Variants in KCNC2 observed in about 807,000 individuals in gnomAD.
KCNC2 encodes the protein potassium voltage-gated channel subfamily C member 2.
In KCNC2, 21 loss-of-function variants were observed where a neutral mutation model predicts 44.5. The observed-to-expected ratio is 0.47, with a 90% CI of 0.33 to 0.68. KCNC2 has a LOEUF of 0.68. Among genes scored for constraint, KCNC2 ranks in the 30% least tolerant of loss-of-function variants. The pLI, the probability that KCNC2 is intolerant of heterozygous loss-of-function variation, is 0.01. For missense variants in KCNC2, 589 were observed against 826.2 expected, an observed-to-expected ratio of 0.71 and a Z score of 3.52; for synonymous variants, 391 against 339.1, an observed-to-expected ratio of 1.15 and a Z score of -1.68.
At position 75,048,693 on chromosome 12, in the gene KCNC2, A is replaced by C. The variant is rs557488440; in HGVS notation, c.1616-376T>G. ...ATAGGAATATTTAAAAATGGAACCT[A>C]TTTAAGAAAATATCTTAAGTAAACT... On this transcript the variant is annotated intron_variant, in intron 3 of 4. Coordinates refer to ENST00000549446, the MANE Select transcript of KCNC2 (RefSeq NM_139137.4). Among the ~76,000 whole-genome samples, 5 of 152,230 alleles carry C rather than the reference A, an allele frequency of 3.3e-5. No homozygotes were observed. The East Asian group carries it at 7.7e-4, about 24-fold the overall frequency.
Position 75,207,750 on chromosome 12 carries a change from G to C in KCNC2, c.234C>G (p.Phe78Leu), listed in dbSNP as rs2031816254. ...PPLSPGPGGC[F>L]EGGAGNCSSR... Reference sequence around the variant, plus strand: ...AACTGCAGTTGCCCGCGCCGCCCTCGAAGCAGCCGCCTGGCCCGGGGGACA... The same window carrying C: ...AACTGCAGTTGCCCGCGCCGCCCTCCAAGCAGCCGCCTGGCCCGGGGGACA... Residue 78 changes from phenylalanine to leucine, a missense_variant, in exon 2 of 5, where the codon TTC (phenylalanine) becomes TTG (leucine). By Grantham distance (22) the Phe-to-Leu change is conservative. Coordinates refer to ENST00000549446, the MANE Select transcript of KCNC2 (RefSeq NM_139137.4). The surrounding 1 kb of genome is among the most constrained non-coding windows in gnomAD (Gnocchi z 4.1). 6.4e-7 allele frequency: 1 copy of C among 1,567,910 alleles called. No individual in the cohort carries two copies. Among genetic ancestry groups the C allele is most frequent in the Non-Finnish European group, 8.6e-7 (1 of 1,156,982 alleles).
chr12:75,120,866 C>T (rs1887999882), intron 2 of KCNC2, among the ~76,000 whole-genome samples: 1 of 152,084 alleles, frequency 6.6e-6, no homozygotes, highest in East Asian at 1.9e-4. Context: ...AATACTTTTT[C>T]CTTAAGTGAG....
chr12:75,194,086 C>A (rs964214526), intron 2 of KCNC2, among the ~76,000 whole-genome samples: 22 of 151,998 alleles, frequency 1.4e-4, no homozygotes, highest in African/African-American at 5.3e-4. Flanking sequence ...CTGAATATTG[C>A]AAATGTGTTG....
intron 2 of KCNC2, among the ~76,000 whole-genome samples, chr12:75,112,666 T>A (rs977382738): frequency 1.1e-4 from 16 of 152,056 alleles, no homozygotes; most frequent in Admixed American, 9.8e-4. Flanking sequence ...GCCTGAACTG[T>A]ATTAGTAAGA....
chr12:75,169,983 T>C (rs1415201526), intron 2 of KCNC2, among the ~76,000 whole-genome samples: 27 of 151,676 alleles, frequency 1.8e-4, no homozygotes, highest in Non-Finnish European at 1.5e-5. Flanking sequence ...GCAATAAAAT[T>C]TGAAAATGGG....
chr12:75,156,093 A>G (rs1254497956), intron 2 of KCNC2, among the ~76,000 whole-genome samples: 1 of 151,788 alleles, frequency 6.6e-6, no homozygotes, highest in Non-Finnish European at 1.5e-5. Context: ...AGAGCTTTTA[A>G]GAGTAGAGAT....
chr12:75,118,012 T>G lies in KCNC2; in HGVS notation c.688-66695A>C, dbSNP rs117985823. On this transcript the variant is annotated intron_variant, in intron 2 of 4. Transcript: ENST00000549446. ...GTCTATGTATGTCCCTACCCCATCA[T>G]GCTGGACTGTCTCAAAACAAGACTC... Among the ~76,000 whole-genome samples the G allele has an allele frequency of 5.5e-3, 834 of 152,336 alleles. 2 individuals are homozygous for G. Among genetic ancestry groups the G allele is most frequent in the Non-Finnish European group, 8.0e-3 (546 of 68,028 alleles).
intron 2 of KCNC2, among the ~76,000 whole-genome samples, chr12:75,074,263 T>G (rs1337735383): frequency 7.2e-6 from 1 of 139,238 alleles, no homozygotes; most frequent in African/African-American, 2.6e-5. Context: ...TTTGGCCATT[T>G]GGGTAAAGTT....
Position 75,042,304 on chromosome 12 carries a change from C to T in KCNC2, c.*801G>A. ...CCTTTCTCTCATGTTTTGTGCCTTC[C>T]CCAAGTCATTAAGTAAGAGATCTGG... On this transcript the variant is annotated 3_prime_UTR_variant, in exon 5 of 5. Coordinates refer to ENST00000549446, the MANE Select transcript of KCNC2 (RefSeq NM_139137.4). 6.2e-7 allele frequency: 1 copy of T among 1,610,908 alleles called. No individual in the cohort carries two copies. The highest frequency in any genetic ancestry group is 2.2e-5 in the East Asian group (1 of 44,738).
intron 2 of KCNC2, among the ~76,000 whole-genome samples, chr12:75,088,008 G>A (rs572820633): frequency 1.0e-4 from 15 of 148,358 alleles, no homozygotes; most frequent in African/African-American, 2.8e-4. Context: ...AAAAAAAAAT[G>A]CCTAATAATT....
At chr12:75,113,330 C>A (rs950804910) in intron 2 of KCNC2, among the ~76,000 whole-genome samples, 1 of 152,142 alleles carries the variant, frequency 6.6e-6, no homozygotes, top group Non-Finnish European at 1.5e-5. Context: ...GACCTCAATA[C>A]TATCTCTTGA....
At chr12:75,147,161 A>C (rs933221022) in intron 2 of KCNC2, among the ~76,000 whole-genome samples, 14 of 152,138 alleles carry the variant, frequency 9.2e-5, no homozygotes, top group African/African-American at 3.4e-4. Context: ...TAAAATAAAT[A>C]ATTACATTTT....
At chr12:75,143,914 T>G (rs916192082) in intron 2 of KCNC2, among the ~76,000 whole-genome samples, 3 of 152,214 alleles carry the variant, frequency 2.0e-5, no homozygotes, top group Non-Finnish European at 2.9e-5. Flanking sequence ...AGCAATATTT[T>G]TTCTAATATG....
intron 2 of KCNC2, among the ~76,000 whole-genome samples, chr12:75,119,594 A>C (rs886428677): frequency 6.6e-6 from 1 of 152,212 alleles, no homozygotes; most frequent in Admixed American, 6.5e-5. Context: ...AGGTCATGTT[A>C]CTTCTATCAT....
chr12:75,109,407 G>T (rs1887045463), intron 2 of KCNC2, among the ~76,000 whole-genome samples: 1 of 152,128 alleles, frequency 6.6e-6, no homozygotes. Context: ...AGACCGTGTG[G>T]CACCCAAAGA....
In KCNC2 at chr12:75,042,087, A is replaced by G. The variant is rs905142246; in HGVS notation, c.*1018T>C. ...AAAGCCTTCTGTGAACACCAGTGAC[A>G]TTTGATGTTTGCACAAAAAATTAAT... On this transcript the variant is annotated 3_prime_UTR_variant, in exon 5 of 5. Coordinates refer to ENST00000549446, the MANE Select transcript of KCNC2 (RefSeq NM_139137.4). 3.3e-6 allele frequency: 4 copies of G among 1,228,964 alleles called. No homozygotes were observed. Among genetic ancestry groups the G allele is most frequent in the Middle Eastern group, 3.2e-4 (1 of 3,112 alleles). The allele number at this position is 1,228,964 out of a possible 1,614,324, so 76.1% of individuals were successfully genotyped here. A position where few individuals can be genotyped will look rare whatever the true frequency, so the allele number is the denominator to read the frequency against.
At chr12:75,080,306 G>T (rs1592825174) in intron 2 of KCNC2, among the ~76,000 whole-genome samples, 1 of 151,786 alleles carries the variant, frequency 6.6e-6, no homozygotes, top group Admixed American at 6.6e-5. Flanking sequence ...CAAGTTTGAG[G>T]ATTAGAAACT....
At chr12:75,173,314 A>G (rs1162789419) in intron 2 of KCNC2, among the ~76,000 whole-genome samples, 1 of 151,910 alleles carries the variant, frequency 6.6e-6, no homozygotes. Flanking sequence ...GAGATATAGA[A>G]GAATCACATC....
chr12:75,123,078 TAAATA>T (rs1427596471), intron 2 of KCNC2, among the ~76,000 whole-genome samples: 5 of 152,008 alleles, frequency 3.3e-5, no homozygotes, highest in Admixed American at 2.6e-4. Flanking sequence ...TAAAAATAAA[TAAATA>T]AAATGAAATA....
Sources: allele counts gnomAD v4.1 joint callset (sites outside exome capture counted in the v4.1 genomes callset), GRCh38; gene constraint gnomAD v4.1.1; non-coding constraint Gnocchi (gnomAD v3.1); transcripts MANE v1.5; gene names NCBI Gene and HGNC (gene_info 2026-07-23, HGNC 2026-07-21).